SNTG1: variants seen among roughly 807,000 people sequenced by gnomAD.
SNTG1 encodes the protein syntrophin gamma 1, also known as gamma-1-syntrophin.
Under a neutral mutation model 74.7 loss-of-function variants are expected in SNTG1, and 39 were observed. The ratio of observed to expected loss-of-function variants is 0.52; its 90% CI spans 0.40 to 0.68. SNTG1 has a LOEUF of 0.68. Ranked by LOEUF, SNTG1 falls within the 30% of genes least tolerant of loss-of-function variation. SNTG1 has a pLI of 0.00. For synonymous variants in SNTG1, 254 were observed against 217.1 expected, an observed-to-expected ratio of 1.17 and a Z score of -1.49; for missense variants, 685 against 609.5, an observed-to-expected ratio of 1.12 and a Z score of -1.30.
chr8:50,413,305 G>A (rs1484120003), intron 4 of SNTG1, among the ~76,000 whole-genome samples: 1 of 152,142 alleles, frequency 6.6e-6, no homozygotes, highest in East Asian at 1.9e-4. Flanking sequence ...TTGATTCATA[G>A]GTATCAATAG....
At position 50,377,248 on chromosome 8, in the gene SNTG1, G is replaced by A. The variant is rs549325717; in HGVS notation, c.-27-16964G>A. Among the ~76,000 whole-genome samples the A allele has an allele frequency of 1.3e-4, 19 of 151,840 alleles. 1 individual carries two copies. Among genetic ancestry groups the A allele is most frequent in the African/African-American group, 4.1e-4 (17 of 41,430 alleles). On this transcript the variant is annotated intron_variant, in intron 2 of 18. Coordinates refer to ENST00000642720, the MANE Select transcript of SNTG1 (RefSeq NM_018967.5). Reference sequence around the variant, plus strand: ...CTTCATAAATTAAACTTTAGGAAAGGAAGAAAAAAAATGGAATGTGTAGGG... The same window carrying A: ...CTTCATAAATTAAACTTTAGGAAAGAAAGAAAAAAAATGGAATGTGTAGGG...
chr8:49,986,806 A>G (rs1368291079), intron 1 of SNTG1, among the ~76,000 whole-genome samples: 1 of 151,826 alleles, frequency 6.6e-6, no homozygotes, highest in African/African-American at 2.4e-5. Context: ...ACATGAACCC[A>G]GGAAGTCAAG....
intron 2 of SNTG1, among the ~76,000 whole-genome samples, chr8:50,252,650 G>A (rs919771235): frequency 6.6e-6 from 1 of 152,100 alleles, no homozygotes; most frequent in African/African-American, 2.4e-5. Flanking sequence ...CACATGGCAA[G>A]GCTGAGAACA....
chr8:50,423,575 A>G (rs2093123461), intron 4 of SNTG1, among the ~76,000 whole-genome samples: 1 of 152,232 alleles, frequency 6.6e-6, no homozygotes, highest in Non-Finnish European at 1.5e-5. Context: ...ATTCATTCAA[A>G]GGCCATAGCA....
At chr8:50,425,430 C>T (rs1253459304) in intron 4 of SNTG1, among the ~76,000 whole-genome samples, 1 of 152,086 alleles carries the variant, frequency 6.6e-6, no homozygotes, top group Non-Finnish European at 1.5e-5. Flanking sequence ...GAATCTAATA[C>T]CTGATGATCT....
chr8:50,443,336 T>C (rs1347650267), intron 5 of SNTG1, among the ~76,000 whole-genome samples: 1 of 152,186 alleles, frequency 6.6e-6, no homozygotes, highest in Non-Finnish European at 1.5e-5. Context: ...ATATATTTTA[T>C]GCAGTATTTT....
intron 1 of SNTG1, among the ~76,000 whole-genome samples, chr8:50,066,157 G>C (rs1287053396): frequency 6.6e-6 from 1 of 151,978 alleles, no homozygotes; most frequent in Non-Finnish European, 1.5e-5. Flanking sequence ...GGAGGTTGCG[G>C]TGAGCTCAGA....
chr8:50,547,805 A>G (rs538506863), intron 11 of SNTG1, among the ~76,000 whole-genome samples: 2 of 152,314 alleles, frequency 1.3e-5, no homozygotes, highest in South Asian at 2.1e-4. Flanking sequence ...TTAACCAAAT[A>G]TAGGTTAAAG....
intron 1 of SNTG1, among the ~76,000 whole-genome samples, chr8:50,027,806 T>C (rs879609297): frequency 1.3e-5 from 2 of 152,228 alleles, no homozygotes; most frequent in Admixed American, 1.3e-4. Context: ...GTTCAGACTA[T>C]ATAAGAAGTA....
At chr8:50,539,930 G>C (rs952770459) in intron 11 of SNTG1, among the ~76,000 whole-genome samples, 1 of 152,132 alleles carries the variant, frequency 6.6e-6, no homozygotes, top group African/African-American at 2.4e-5. Flanking sequence ...TTTATTGGAG[G>C]CTTTACGTTT....
rs543029292 is a variant in SNTG1, at chr8:50,220,270, A to T, written c.-28+47635A>T. On this transcript the variant is annotated intron_variant, in intron 2 of 18. Transcript: ENST00000642720. ...AATGTCGATAGGAAGTGTGTGAAAG[A>T]TTTGAACCACACAAACTGCAAGGTG... 4.6e-5 allele frequency among the ~76,000 whole-genome samples: 7 copies of T among 152,276 alleles called. No individual in the cohort carries two copies. The East Asian group carries it at 1.4e-3, about 29-fold the overall frequency.
chr8:50,769,154 T>A (rs922606180), intron 18 of SNTG1, among the ~76,000 whole-genome samples: 3 of 151,812 alleles, frequency 2.0e-5, no homozygotes, highest in East Asian at 1.9e-4. Context: ...AAGAGTACTC[T>A]GTACTCTTAA....
chr8:50,630,242 T>C (rs1273832167), intron 13 of SNTG1, among the ~76,000 whole-genome samples: 1 of 152,158 alleles, frequency 6.6e-6, no homozygotes, highest in Non-Finnish European at 1.5e-5. Context: ...AAGAATATCA[T>C]GCATTTACTC....
At position 50,623,823 on chromosome 8, in the gene SNTG1, G is replaced by C. The variant is rs191125561; in HGVS notation, c.849+32906G>C. Among the ~76,000 whole-genome samples the C allele has an allele frequency of 1.6e-4, 24 of 151,762 alleles. No homozygotes were observed. The East Asian group carries it at 3.7e-3, about 23-fold the overall frequency. On this transcript the variant is annotated intron_variant, in intron 13 of 18. Coordinates refer to ENST00000642720, the MANE Select transcript of SNTG1 (RefSeq NM_018967.5). ...GTAATCTTTTAAAAATCATGGATTT[G>C]TTTTGTTTATATCATATGTAATTTT...
At chr8:49,960,485 A>G (rs1810579732) in intron 1 of SNTG1, among the ~76,000 whole-genome samples, 1 of 152,164 alleles carries the variant, frequency 6.6e-6, no homozygotes, top group Non-Finnish European at 1.5e-5. Flanking sequence ...TTTAGTAATA[A>G]TTAGAAATCT....
intron 1 of SNTG1, among the ~76,000 whole-genome samples, chr8:49,931,494 C>T (rs764040575): frequency 6.6e-6 from 1 of 152,162 alleles, no homozygotes; most frequent in Non-Finnish European, 1.5e-5. Flanking sequence ...GTAACCCAAA[C>T]CTCAGCATCG....
chr8:50,142,478 T>A (rs2081698406), intron 1 of SNTG1, among the ~76,000 whole-genome samples: 1 of 57,522 alleles, frequency 1.7e-5, no homozygotes, highest in African/African-American at 2.3e-4. Flanking sequence ...AAAAAGATTA[T>A]ATATATATAT....
intron 2 of SNTG1, among the ~76,000 whole-genome samples, chr8:50,179,368 A>G (rs910771535): frequency 6.6e-6 from 1 of 152,170 alleles, no homozygotes; most frequent in Non-Finnish European, 1.5e-5. Flanking sequence ...CTGAGATTGC[A>G]TTCAATCTGT....
intron 1 of SNTG1, among the ~76,000 whole-genome samples, chr8:50,041,689 G>T (rs966649788): frequency 6.6e-6 from 1 of 152,156 alleles, no homozygotes; most frequent in Non-Finnish European, 1.5e-5. Context: ...TTGTGTCCCA[G>T]TTGAAAAGCG....
Sources: allele counts gnomAD v4.1 joint callset (sites outside exome capture counted in the v4.1 genomes callset), GRCh38; gene constraint gnomAD v4.1.1; transcripts MANE v1.5; gene names NCBI Gene and HGNC (gene_info 2026-07-23, HGNC 2026-07-21).